The following ASB11 variants were observed in gnomAD, a reference collection of about 807,000 sequenced individuals.
ASB11 encodes the protein ankyrin repeat and SOCS box containing 11.
ASB11 carries 17 observed loss-of-function variants against 20.1 expected under a neutral mutation model. The observed-to-expected ratio is 0.85, with a 90% CI of 0.58 to 1.27. The LOEUF is 1.27. Ranked by LOEUF, ASB11 falls within the 50% of genes most tolerant of loss-of-function variation. The pLI, the probability that ASB11 is intolerant of heterozygous loss-of-function variation, is 0.00. For synonymous variants in ASB11, 107 were observed against 105.6 expected, an observed-to-expected ratio of 1.01 and a Z score of -0.08; for missense variants, 259 against 256.9, an observed-to-expected ratio of 1.01 and a Z score of -0.06.
Position 15,297,624 on chromosome X carries a change from G to C in ASB11, c.319C>G (p.Leu107Val). 1 of 1,209,591 alleles carries C rather than the reference G, an allele frequency of 8.3e-7. No individual in the cohort carries two copies. Among genetic ancestry groups the C allele is most frequent in the Non-Finnish European group, 1.1e-6 (1 of 894,355 alleles). The change falls in exon 3 of 7, where the codon CTT becomes GTT. Residue 107 changes from leucine (L) to valine (V), a missense_variant. Coordinates refer to ENST00000480796, the MANE Select transcript of ASB11 (RefSeq NM_080873.3). ...NRVSSLHEAC[L>V]GGHVACAKAL... ...TTGGCACAGGCCACGTGACCTCCAA[G>C]GCATGCCTCGTGGAGAGAAGACACC...
Position 15,282,605 on chromosome X carries a change from T to G in ASB11, c.*900A>C, listed in dbSNP as rs187520753. 6 of 110,931 alleles carry G rather than the reference T, an allele frequency of 5.4e-5. No homozygotes were observed. In the East Asian group the frequency reaches 1.4e-3, roughly 26 times the overall value. The allele number at this position is 110,931 out of a possible 1,213,427, so 9.1% of individuals were successfully genotyped here. A position where few individuals can be genotyped will look rare whatever the true frequency, so the allele number is the denominator to read the frequency against. ...GACAATGCCTGTGGGTTCAGGTTGT[T>G]GGGGACACCCAGTGTTCTCAATCCT... On this transcript the variant is annotated 3_prime_UTR_variant, in exon 7 of 7. Coordinates refer to ENST00000480796, the MANE Select transcript of ASB11 (RefSeq NM_080873.3).
chrX:15,298,714 G>A (rs1192621026), intron 2 of ASB11, among the ~76,000 whole-genome samples: 1 of 111,569 alleles, frequency 9.0e-6, no homozygotes, highest in Admixed American at 9.5e-5. Flanking sequence ...ATAACAGTAG[G>A]TATGAGGTAT....
At chrX:15,313,780 G>A (rs774759657) in intron 1 of ASB11, among the ~76,000 whole-genome samples, 16 of 111,085 alleles carry the variant, frequency 1.4e-4, no homozygotes, top group African/African-American at 4.9e-4. Context: ...GGCCGGGCGC[G>A]GTGGCTCACG....
At chrX:15,288,095 A>G (rs1316550565) in intron 5 of ASB11, 23 bp from the exon 6 acceptor site, 1 of 1,183,145 alleles carries the variant, frequency 8.5e-7, no homozygotes, top group Non-Finnish European at 1.1e-6. Context: ...GATGGCCACA[A>G]TTCAACACTA....
chrX:15,288,179 T>C, intron 5 of ASB11, 107 bp from the exon 6 acceptor site: 19 of 845,665 alleles, frequency 2.2e-5, no homozygotes, highest in Non-Finnish European at 3.1e-5. Flanking sequence ...CATGACATAC[T>C]TGACAAATGT....
intron 4 of ASB11, chrX:15,290,045 T>A (rs143448901): frequency 0.014 from 1,666 of 118,540 alleles, 24 homozygotes; most frequent in African/African-American, 0.046. Context: ...ATAAATAAAT[T>A]AATTAAATAA....
rs986690418 is a variant in ASB11, at chrX:15,303,371, G to A, written c.182-564C>T. 3.6e-5 allele frequency among the ~76,000 whole-genome samples: 4 copies of A among 111,667 alleles called. No individual in the cohort carries two copies. The East Asian group carries it at 8.4e-4, about 23-fold the overall frequency. On this transcript the variant is annotated intron_variant, in intron 1 of 6. Coordinates refer to ENST00000480796, the MANE Select transcript of ASB11 (RefSeq NM_080873.3). The stretch of plus-strand genomic sequence containing the variant: ...AAAATAAAAATCACAAAAAAATCTC[G>A]TAAGTTTTACGAAAATTTATGAATT...
chrX:15,314,049 C>T lies in ASB11; in HGVS notation c.181+1376G>A, dbSNP rs765495633. Among the ~76,000 whole-genome samples the T allele has an allele frequency of 1.7e-4, 14 of 83,710 alleles. No individual in the cohort carries two copies. In the East Asian group the frequency reaches 5.5e-3, roughly 33 times the overall value. 72.7% of individuals were successfully genotyped at this position (83,710 alleles called of 115,157 possible). ...CTCCAGCCTAGGCTACAGAGCGAGA[C>T]TCCATCTCAAAAAAAAAAAAAAAAA... On this transcript the variant is annotated intron_variant, in intron 1 of 6. Coordinates refer to ENST00000480796, the MANE Select transcript of ASB11 (RefSeq NM_080873.3).
At chrX:15,289,744 C>G in intron 4 of ASB11, 106 bp from the exon 5 acceptor site, 1 of 972,123 alleles carries the variant, frequency 1.0e-6, no homozygotes. Flanking sequence ...CCTAGGTTGG[C>G]CGGGTGTGGT....
chrX:15,314,693 G>A, intron 1 of ASB11: 1 of 425,050 alleles, frequency 2.4e-6, no homozygotes, highest in Non-Finnish European at 3.3e-6. Flanking sequence ...TCTGAACTCT[G>A]TTTATGAATA....
intron 6 of ASB11, among the ~76,000 whole-genome samples, chrX:15,285,887 C>T (rs942956052): frequency 1.3e-4 from 14 of 110,777 alleles, no homozygotes; most frequent in Non-Finnish European, 7.6e-5. Context: ...CGCCTGTAAT[C>T]GCAGCTACTC....
chrX:15,305,181 A>C (rs1921196226), intron 1 of ASB11, among the ~76,000 whole-genome samples: 1 of 112,075 alleles, frequency 8.9e-6, no homozygotes, highest in Non-Finnish European at 1.9e-5. Flanking sequence ...TAACATCAGC[A>C]AAGTTAACAC....
At chrX:15,287,530 C>T (rs1216019190) in intron 6 of ASB11, among the ~76,000 whole-genome samples, 11 of 112,249 alleles carry the variant, frequency 9.8e-5, no homozygotes, top group African/African-American at 3.6e-4. Context: ...TTTCACCATG[C>T]TGGCCAGGCT....
chrX:15,313,535 A>G (rs1192333914), intron 1 of ASB11, among the ~76,000 whole-genome samples: 1 of 111,759 alleles, frequency 8.9e-6, no homozygotes, highest in Non-Finnish European at 1.9e-5. Flanking sequence ...GGAAATTAAC[A>G]TGCACCATTC....
Position 15,284,394 on chromosome X carries a change from G to A in ASB11, c.848-765C>T, listed in dbSNP as rs996498465. Reference sequence around the variant, plus strand: ...AATACGGAAAGGGTGTCAGCGGGAAGTTCCACCTGCGTGGTGACAGAGGCA... The same window carrying A: ...AATACGGAAAGGGTGTCAGCGGGAAATTCCACCTGCGTGGTGACAGAGGCA... On this transcript the variant is annotated intron_variant, in intron 6 of 6. Transcript: ENST00000480796. Among the ~76,000 whole-genome samples the A allele has an allele frequency of 4.3e-4, 48 of 111,502 alleles. 1 individual carries two copies. The highest frequency in any genetic ancestry group is 6.5e-5 in the African/African-American group (2 of 30,634).
chrX:15,288,463 TGG>T (rs1927447215), intron 5 of ASB11, among the ~76,000 whole-genome samples: 1 of 112,154 alleles, frequency 8.9e-6, no homozygotes, highest in African/African-American at 3.2e-5. Flanking sequence ...TAGTAAATGA[TGG>T]GAAATAAAAA....
At chrX:15,297,335 AT>A in intron 3 of ASB11, among the ~76,000 whole-genome samples, 1 of 111,688 alleles carries the variant, frequency 9.0e-6, no homozygotes, top group East Asian at 2.8e-4. Flanking sequence ...TACAATAAAG[AT>A]TTCTTAAGGT....
chrX:15,310,709 C>T (rs1278410116), intron 1 of ASB11, among the ~76,000 whole-genome samples: 1 of 112,580 alleles, frequency 8.9e-6, no homozygotes, highest in East Asian at 2.8e-4. Flanking sequence ...ACCCAACAGC[C>T]GGGCGCGGTG....
At chrX:15,311,856 C>T (rs1189913227) in intron 1 of ASB11, among the ~76,000 whole-genome samples, 2 of 111,017 alleles carry the variant, frequency 1.8e-5, no homozygotes, top group Non-Finnish European at 3.8e-5. Context: ...TATATGTTCA[C>T]TATAGAAAGA....
Sources: allele counts gnomAD v4.1 joint callset (sites outside exome capture counted in the v4.1 genomes callset), GRCh38; gene constraint gnomAD v4.1.1; transcripts MANE v1.5; gene names NCBI Gene and HGNC (gene_info 2026-07-23, HGNC 2026-07-21).